Variants in GSDMC observed in about 807,000 individuals in gnomAD.
The protein encoded by GSDMC is gasdermin C.
GSDMC carries 59 observed loss-of-function variants against 58.0 expected under a neutral mutation model. That is an observed-to-expected ratio of 1.02 (90% CI 0.82 to 1.26). The LOEUF (loss-of-function observed/expected upper bound fraction) is 1.26. Ranked by LOEUF, GSDMC falls within the 50% of genes most tolerant of loss-of-function variation. The probability of loss-of-function intolerance (pLI) is 0.00; values close to 1 mark genes in which losing one functional copy is unlikely to be tolerated. For missense variants in GSDMC, 659 were observed against 598.5 expected (o/e 1.10, Z -1.06); for synonymous variants, 241 against 220.2 (o/e 1.09, Z -0.83).
chr8:129,716,503 TAAG>T, the GSDMC span, among the ~76,000 whole-genome samples: 28 of 152,204 alleles, frequency 1.8e-4, no homozygotes, highest in Non-Finnish European at 1.5e-5. Context: ...CTTATCAGCT[TAAG>T]GAGATTTGGG....
intron 3 of GSDMC, among the ~76,000 whole-genome samples, chr8:129,773,288 T>C (rs1179079504): frequency 6.6e-6 from 1 of 151,922 alleles, no homozygotes; most frequent in Non-Finnish European, 1.5e-5. Context: ...TAGGGAAAAA[T>C]AAATTAATAA....
the GSDMC span, among the ~76,000 whole-genome samples, chr8:129,731,635 T>C: frequency 6.6e-6 from 1 of 152,194 alleles, no homozygotes. Context: ...AAGAGGACAG[T>C]CTTTTTTCTC....
At chr8:129,706,795 A>G in the GSDMC span, among the ~76,000 whole-genome samples, 1 of 152,228 alleles carries the variant, frequency 6.6e-6, no homozygotes, top group Non-Finnish European at 1.5e-5. Flanking sequence ...GACCTTTGGA[A>G]AGCCATATTC....
intron 7 of GSDMC, among the ~76,000 whole-genome samples, 193 bp from the exon 8 acceptor site, chr8:129,752,340 C>A (rs1466412438): frequency 6.6e-6 from 1 of 152,200 alleles, no homozygotes; most frequent in Non-Finnish European, 1.5e-5. Flanking sequence ...CCAACAGACT[C>A]ACACCTATCC....
the GSDMC span, among the ~76,000 whole-genome samples, chr8:129,728,556 A>G: frequency 6.6e-5 from 10 of 152,190 alleles, no homozygotes; most frequent in African/African-American, 1.2e-4. Flanking sequence ...TGTACCCCCA[A>G]TGAGCACCAC....
chr8:129,772,186 G>A (rs956158182), intron 3 of GSDMC, among the ~76,000 whole-genome samples: 16 of 151,434 alleles, frequency 1.1e-4, no homozygotes, highest in East Asian at 1.9e-4. Flanking sequence ...GCATGAACCC[G>A]GGAGGCGGAG....
At chr8:129,783,243 C>T (rs796372991) in intron 1 of GSDMC, among the ~76,000 whole-genome samples, 24 of 150,678 alleles carry the variant, frequency 1.6e-4, no homozygotes, top group African/African-American at 5.6e-4. Context: ...CAGACTCACT[C>T]AATGGGGGAA....
intron 1 of GSDMC, among the ~76,000 whole-genome samples, chr8:129,782,317 G>C (rs566052228): frequency 6.6e-6 from 1 of 152,086 alleles, no homozygotes; most frequent in Non-Finnish European, 1.5e-5. Context: ...AGAAAACCAA[G>C]AGCAGCCCAA....
chr8:129,718,482 C>A, the GSDMC span, among the ~76,000 whole-genome samples: 1 of 152,134 alleles, frequency 6.6e-6, no homozygotes, highest in Non-Finnish European at 1.5e-5. Flanking sequence ...CAATGAGATA[C>A]TACCATCTCA....
At chr8:129,731,671 A>G in the GSDMC span, among the ~76,000 whole-genome samples, 2 of 152,344 alleles carry the variant, frequency 1.3e-5, no homozygotes, top group Admixed American at 1.3e-4. Context: ...GACTGGATCA[A>G]GCCCACTAAC....
downstream of GSDMC, among the ~76,000 whole-genome samples, chr8:129,746,606 C>T (rs1362453918): frequency 6.6e-6 from 1 of 152,156 alleles, no homozygotes; most frequent in Non-Finnish European, 1.5e-5. Context: ...GACTGAGACA[C>T]AGGTATTGCC....
chr8:129,712,756 A>T, the GSDMC span, among the ~76,000 whole-genome samples: 1 of 152,254 alleles, frequency 6.6e-6, no homozygotes, highest in Non-Finnish European at 1.5e-5. Context: ...GATAAATATT[A>T]GACAGGCAAC....
At chr8:129,709,379 C>G in the GSDMC span, among the ~76,000 whole-genome samples, 2 of 152,148 alleles carry the variant, frequency 1.3e-5, no homozygotes, top group African/African-American at 4.8e-5. Context: ...TGAATTACGA[C>G]AGTGTTCAGC....
chr8:129,727,607 G>A, the GSDMC span, among the ~76,000 whole-genome samples: 3 of 152,314 alleles, frequency 2.0e-5, no homozygotes, highest in African/African-American at 4.8e-5. Flanking sequence ...TGAAGGAATA[G>A]GAATGGGAAA....
chr8:129,764,360 T>C (rs2033783510), intron 4 of GSDMC, among the ~76,000 whole-genome samples: 1 of 152,186 alleles, frequency 6.6e-6, no homozygotes, highest in Admixed American at 6.5e-5. Flanking sequence ...TTAATTTTCT[T>C]AGGAAATAAT....
At chr8:129,762,163 T>C (rs2033686795) in intron 5 of GSDMC, among the ~76,000 whole-genome samples, 1 of 152,222 alleles carries the variant, frequency 6.6e-6, no homozygotes, top group Non-Finnish European at 1.5e-5. Flanking sequence ...AAGATGTAGA[T>C]AAAATTCTGA....
chr8:129,754,720 G>A (rs1289359631), intron 6 of GSDMC, among the ~76,000 whole-genome samples: 1 of 152,162 alleles, frequency 6.6e-6, no homozygotes, highest in African/African-American at 2.4e-5. Flanking sequence ...GATAACTTGA[G>A]AAGAAATTCA....
the GSDMC span, among the ~76,000 whole-genome samples, chr8:129,708,665 G>A: frequency 2.4e-4 from 36 of 152,368 alleles, no homozygotes; most frequent in African/African-American, 8.2e-4. Context: ...CACTGGCCAC[G>A]CAGCCAAGTG....
At chr8:129,751,705 C>T in intron 9 of GSDMC, 137 bp from the exon 10 acceptor site, 2 of 1,106,854 alleles carry the variant, frequency 1.8e-6, no homozygotes, top group Non-Finnish European at 2.7e-6. Context: ...CATTCATCCT[C>T]CATGTTCTCA....
Sources: gnomAD v4.1 joint callset for allele counts (sites outside exome capture counted in the v4.1 genomes callset) on GRCh38, gnomAD v4.1.1 for gene constraint, MANE v1.5 for transcripts, NCBI Gene and HGNC (gene_info 2026-07-23, HGNC 2026-07-21) for gene names.